Variants in CEP41 observed in about 807,000 individuals in gnomAD.
The protein encoded by CEP41 is centrosomal protein of 41 kDa.
A neutral mutation model predicts 44.3 loss-of-function variants in CEP41; 32 were observed. The observed-to-expected ratio is 0.72, with a 90% CI of 0.54 to 0.97. The LOEUF is 0.97. CEP41 is among the 50% of genes least tolerant of loss of function. The pLI, the probability that CEP41 is intolerant of heterozygous loss-of-function variation, is 0.00. For missense variants in CEP41, 432 were observed against 455.2 expected (o/e 0.95, Z 0.46); for synonymous variants, 151 against 168.5 (o/e 0.90, Z 0.80).
Position 130,397,374 on chromosome 7 carries a change from GAGA to G in CEP41, c.*1514_*1516del, listed in dbSNP as rs1796694642. On this transcript the variant is annotated 3_prime_UTR_variant, in exon 11 of 11. Transcript: ENST00000223208. ...AATGTTGCACTTTGGAAATCAAGTA[GAGA>G]AGAATAAACACACTCTAAAACAGAA... 4.4e-6 allele frequency: 2 copies of G among 454,406 alleles called. No individual in the cohort carries two copies. Among genetic ancestry groups the G allele is most frequent in the Non-Finnish European group, 4.4e-6 (1 of 226,740 alleles). 28.1% of individuals were successfully genotyped at this position (454,406 alleles called of 1,614,324 possible).
intron 10 of CEP41, chr7:130,399,320 G>T: frequency 2.1e-6 from 1 of 471,410 alleles, no homozygotes; most frequent in Non-Finnish European, 3.9e-6. Flanking sequence ...CTACTTCCTT[G>T]GTAGAGAGGA....
intron 8 of CEP41, chr7:130,401,208 T>C (rs1796833561): frequency 4.5e-6 from 1 of 221,796 alleles, no homozygotes; most frequent in African/African-American, 2.3e-5. Flanking sequence ...GTGGGAGCCA[T>C]CTAAAAAGTC....
chr7:130,418,385 C>T (rs1554421330), intron 2 of CEP41, among the ~76,000 whole-genome samples: 1 of 152,242 alleles, frequency 6.6e-6, no homozygotes, highest in Admixed American at 6.5e-5. Context: ...CCTGGACACA[C>T]ATCTCTCCTG....
intron 2 of CEP41, among the ~76,000 whole-genome samples, chr7:130,422,825 A>T (rs922523497): frequency 9.9e-5 from 15 of 152,220 alleles, no homozygotes; most frequent in African/African-American, 3.6e-4. Context: ...GGGTAGATGT[A>T]CTTAGCTACT....
Position 130,400,178 on chromosome 7 carries a change from A to G in CEP41, c.834T>C (p.Leu278=). 6.2e-7 allele frequency: 1 copy of G among 1,613,818 alleles called. No individual in the cohort carries two copies. The change falls in exon 10 of 11, where the codon CTT becomes CTC. Residue 278 remains leucine, a synonymous_variant. Transcript: ENST00000223208. ...GSLPASCQQA[L]PPGSARKRSS... ...ATCGTTTCCGGGCAGACCCAGGAGG[A>G]AGGGCCTGCTGGCAAGATGCTGGCA...
chr7:130,401,971 A>C, intron 7 of CEP41, 23 bp from the exon 8 acceptor site: 1 of 1,560,840 alleles, frequency 6.4e-7, no homozygotes, highest in Non-Finnish European at 8.8e-7. Context: ...GAAAAAGTTT[A>C]GGAAGTCTGT....
chr7:130,432,745 G>GTGAC (rs1797860273), intron 1 of CEP41, among the ~76,000 whole-genome samples: 1 of 152,060 alleles, frequency 6.6e-6, no homozygotes, highest in Admixed American at 6.5e-5. Context: ...GTGTGACAGA[G>GTGAC]TGACACTCTC....
intron 1 of CEP41, among the ~76,000 whole-genome samples, chr7:130,434,389 G>A (rs6467308): frequency 6.6e-6 from 1 of 151,934 alleles, no homozygotes; most frequent in African/African-American, 2.4e-5. Context: ...AAGACCCTGT[G>A]AAGAAGATGA....
In CEP41 at chr7:130,393,809, A is replaced by G. The variant is rs1554413343; in HGVS notation, c.*5082T>C. The G allele has an allele frequency of 4.4e-6, 2 of 454,064 alleles. No homozygotes were observed. Among genetic ancestry groups the G allele is most frequent in the Non-Finnish European group, 4.4e-6 (1 of 226,780 alleles). The allele number at this position is 454,064 out of a possible 1,614,324, so 28.1% of individuals were successfully genotyped here. ...GTTTACTGAATGAATGGCTAGACCTATCAGGAAAACAGCCTACTTTTTTCC... is the reference window on the plus strand; with the variant it reads ...GTTTACTGAATGAATGGCTAGACCTGTCAGGAAAACAGCCTACTTTTTTCC... On this transcript the variant is annotated 3_prime_UTR_variant, in exon 11 of 11. Transcript: ENST00000223208.
chr7:130,426,783 G>A (rs1266426317), intron 2 of CEP41: 2 of 382,702 alleles, frequency 5.2e-6, no homozygotes, highest in South Asian at 1.9e-5. Flanking sequence ...CACCAGACTT[G>A]GCACCAGATC....
intron 2 of CEP41, chr7:130,421,980 G>C: frequency 6.5e-7 from 1 of 1,535,956 alleles, no homozygotes; most frequent in Non-Finnish European, 8.7e-7. Context: ...TGGCAGTGCT[G>C]GGGAGCTGGT....
At position 130,395,695 on chromosome 7, in the gene CEP41, C is replaced by T. The variant is rs941369237; in HGVS notation, c.*3196G>A. Reference sequence around the variant, plus strand: ...CATTCCACAAGGGAATTAGAGAAAACACGATTTTTTGTTTTGTTCTGTTTT... The same window carrying T: ...CATTCCACAAGGGAATTAGAGAAAATACGATTTTTTGTTTTGTTCTGTTTT... On this transcript the variant is annotated 3_prime_UTR_variant, in exon 11 of 11. Coordinates refer to ENST00000223208, the MANE Select transcript of CEP41 (RefSeq NM_018718.3). The T allele has an allele frequency of 2.2e-6, 1 of 453,490 alleles. No homozygotes were observed. Among genetic ancestry groups the T allele is most frequent in the Admixed American group, 2.4e-5 (1 of 42,464 alleles). 28.1% of individuals were successfully genotyped at this position (453,490 alleles called of 1,614,324 possible).
intron 4 of CEP41, chr7:130,411,907 TA>T: frequency 3.0e-6 from 1 of 338,746 alleles, no homozygotes; most frequent in Non-Finnish European, 5.4e-6. Context: ...GTTAAATGTA[TA>T]AGGAAAAAAA....
intron 5 of CEP41, among the ~76,000 whole-genome samples, chr7:130,408,490 C>T (rs1562982323): frequency 6.6e-6 from 1 of 152,202 alleles, no homozygotes; most frequent in African/African-American, 2.4e-5. Context: ...AACACACACA[C>T]AGAGCATAAT....
At position 130,397,247 on chromosome 7, in the gene CEP41, T is replaced by C. The variant is rs533265295; in HGVS notation, c.*1644A>G. The C allele has an allele frequency of 1.0e-4, 47 of 454,508 alleles. No individual in the cohort carries two copies. The Middle Eastern group carries it at 2.1e-3, about 20-fold the overall frequency. The allele number at this position is 454,508 out of a possible 1,614,324, so 28.2% of individuals were successfully genotyped here. A position where few individuals can be genotyped will look rare whatever the true frequency, so the allele number is the denominator to read the frequency against. On this transcript the variant is annotated 3_prime_UTR_variant, in exon 11 of 11. Coordinates refer to ENST00000223208, the MANE Select transcript of CEP41 (RefSeq NM_018718.3). ...GCTCCTCATTAAAGCTATGTGTACG[T>C]TGGCTGAATTTTATACAAGATTCTT...
Position 130,428,019 on chromosome 7 carries a change from C to A in CEP41, c.34-1G>T. 1.3e-6 allele frequency: 2 copies of A among 1,588,692 alleles called. No individual in the cohort carries two copies. The highest frequency in any genetic ancestry group is 1.7e-6 in the Non-Finnish European group (2 of 1,157,788). ...TCTGTGGTATCCTTTTCATCAGATA[C>A]TAAAAAATAAGGAAATTCACAATTA... On this transcript the variant is annotated splice_acceptor_variant, in intron 1 of 10. Coordinates refer to ENST00000223208, the MANE Select transcript of CEP41 (RefSeq NM_018718.3). LOFTEE classifies it high-confidence loss of function.
rs1180413412 is a variant in CEP41, at chr7:130,400,134, G to C, written c.878C>G (p.Pro293Arg). The part of the protein sequence containing the change: ...ARKRSSPKGP[P>R]LPAENKWRFT... ...TCTCCATTTATTCTCAGCTGGTAGGGGTGGCCCTTTGGGGCTGGATCGTTT... is the reference window on the plus strand; with the variant it reads ...TCTCCATTTATTCTCAGCTGGTAGGCGTGGCCCTTTGGGGCTGGATCGTTT... Residue 293 changes from proline (P) to arginine (R), a missense_variant, in exon 10 of 11, where the codon CCC becomes CGC. Pro to Arg is a moderately radical substitution (Grantham distance 103). Coordinates refer to ENST00000223208, the MANE Select transcript of CEP41 (RefSeq NM_018718.3). 1.9e-6 allele frequency: 3 copies of C among 1,613,712 alleles called. No homozygotes were observed. The highest frequency in any genetic ancestry group is 3.3e-5 in the Admixed American group (2 of 60,020).
At chr7:130,404,283 C>T (rs1796941283) in intron 6 of CEP41, among the ~76,000 whole-genome samples, 1 of 152,130 alleles carries the variant, frequency 6.6e-6, no homozygotes, top group South Asian at 2.1e-4. Flanking sequence ...AAGCTAATTC[C>T]TCATAACAAA....
chr7:130,421,125 T>C, intron 2 of CEP41: 2 of 985,296 alleles, frequency 2.0e-6, no homozygotes, highest in Non-Finnish European at 2.4e-6. Context: ...AACCCGACTA[T>C]AGCAACAGTG....
Sources: allele counts gnomAD v4.1 joint callset (sites outside exome capture counted in the v4.1 genomes callset), GRCh38; gene constraint gnomAD v4.1.1; transcripts MANE v1.5; gene names NCBI Gene and HGNC (gene_info 2026-07-23, HGNC 2026-07-21).